FGD3: variants seen among roughly 807,000 people sequenced by gnomAD.
FGD3 encodes FYVE, RhoGEF and PH domain-containing protein 3.
Under a neutral mutation model 71.8 loss-of-function variants are expected in FGD3, and 45 were observed. The ratio of observed to expected loss-of-function variants is 0.63; its 90% CI spans 0.49 to 0.80. The LOEUF (loss-of-function observed/expected upper bound fraction) is 0.80, where lower values mean the gene tolerates loss of function less well. FGD3 is among the 30% of genes least tolerant of loss of function. The probability of loss-of-function intolerance (pLI) is 0.00; values close to 1 mark genes in which losing one functional copy is unlikely to be tolerated. For missense variants in FGD3, 844 were observed against 951.5 expected, an observed-to-expected ratio of 0.89 and a Z score of 1.49; for synonymous variants, 378 against 392.8, an observed-to-expected ratio of 0.96 and a Z score of 0.44.
rs1373682929 is a variant in FGD3, at chr9:92,999,588, C to T, written c.454-3337C>T. Among the ~76,000 whole-genome samples, 6 of 148,004 alleles carry T rather than the reference C, an allele frequency of 4.1e-5. No homozygotes were observed. In the Admixed American group the frequency reaches 4.1e-4, roughly 10 times the overall value. On this transcript the variant is annotated intron_variant, in intron 3 of 17. Transcript: ENST00000375482. ...CTTTTCCTATTCAGCCATCTTGGAA[C>T]CTTTTTTTTTTTTTTTTTTTTTAAA...
intron 1 of FGD3, among the ~76,000 whole-genome samples, chr9:92,955,468 C>G (rs570735309): frequency 6.6e-6 from 1 of 152,108 alleles, no homozygotes; most frequent in Non-Finnish European, 1.5e-5. Context: ...GCAAAACTCC[C>G]TCTCAAAAAT....
intron 1 of FGD3, among the ~76,000 whole-genome samples, chr9:92,966,566 G>A (rs974499161): frequency 3.3e-5 from 5 of 152,236 alleles, no homozygotes; most frequent in African/African-American, 1.2e-4. Flanking sequence ...CGCAGACTCA[G>A]GCCTGGAGGC....
At chr9:93,033,439 G>T in intron 16 of FGD3, 1 of 156,094 alleles carries the variant, frequency 6.4e-6, no homozygotes, top group Non-Finnish European at 1.4e-5. Context: ...TCTCCTCCCC[G>T]TACCCTTTTT....
intron 3 of FGD3, among the ~76,000 whole-genome samples, chr9:92,977,441 G>A (rs1316356440): frequency 6.6e-6 from 1 of 152,124 alleles, no homozygotes; most frequent in African/African-American, 2.4e-5. Context: ...TCCTGGGAGC[G>A]CTTTGCGGGT....
chr9:92,979,597 A>G (rs566197992), intron 3 of FGD3, among the ~76,000 whole-genome samples: 14 of 152,256 alleles, frequency 9.2e-5, no homozygotes, highest in African/African-American at 3.1e-4. Context: ...TGGCCTTGGT[A>G]TCAGGATAAT....
At chr9:93,002,177 G>T (rs1860878746) in intron 3 of FGD3, among the ~76,000 whole-genome samples, 1 of 152,152 alleles carries the variant, frequency 6.6e-6, no homozygotes, top group Admixed American at 6.5e-5. Flanking sequence ...CATATGTGTT[G>T]TTCCACTCCA....
chr9:92,949,708 A>G (rs1473180754), intron 1 of FGD3, among the ~76,000 whole-genome samples: 1 of 152,134 alleles, frequency 6.6e-6, no homozygotes, highest in African/African-American at 2.4e-5. Context: ...GTGTGGTCCA[A>G]GAAGAGGCGA....
chr9:92,986,886 G>A (rs1302555343), intron 3 of FGD3, among the ~76,000 whole-genome samples: 1 of 152,246 alleles, frequency 6.6e-6, no homozygotes, highest in East Asian at 1.9e-4. Context: ...GTAAAAACAA[G>A]TATAAATCTC....
At chr9:92,977,198 A>G (rs910619280) in intron 3 of FGD3, among the ~76,000 whole-genome samples, 5 of 152,196 alleles carry the variant, frequency 3.3e-5, no homozygotes, top group African/African-American at 7.2e-5. Flanking sequence ...TCTTCAGGAC[A>G]TGGTGGGGCA....
rs1299096856 is a variant in FGD3, at chr9:93,006,014, C to G, written c.681-10C>G. ...CAGCTATTTCTCTGATGATTCATTT[C>G]TCCACGAAGGGACACAAACCCACGG... On this transcript the variant is annotated splice_polypyrimidine_tract_variant and intron_variant, in intron 5 of 17. Transcript: ENST00000375482. The G allele has an allele frequency of 6.3e-7, 1 of 1,588,658 alleles. No homozygotes were observed. The highest frequency in any genetic ancestry group is 1.3e-5 in the African/African-American group (1 of 74,148).
In FGD3 at chr9:92,962,905, A is replaced by G. The variant is rs568688940; in HGVS notation, c.-217-12333A>G. The stretch of plus-strand genomic sequence containing the variant: ...AAGTGAGCTGACTTTGCGCCACTGC[A>G]CTCCAGCCTGGGCAACAGAGTGAGG... On this transcript the variant is annotated intron_variant, in intron 1 of 17. Coordinates refer to ENST00000375482, the MANE Select transcript of FGD3 (RefSeq NM_001083536.2). Among the ~76,000 whole-genome samples, 205 of 147,564 alleles carry G rather than the reference A, an allele frequency of 1.4e-3. 1 individual carries two copies. The highest frequency in any genetic ancestry group is 4.9e-3 in the African/African-American group (195 of 39,394).
At chr9:93,013,249 G>T (rs749065958) in intron 8 of FGD3, among the ~76,000 whole-genome samples, 1 of 152,258 alleles carries the variant, frequency 6.6e-6, no homozygotes, top group Non-Finnish European at 1.5e-5. Context: ...AGGATGTACA[G>T]GCTGAGATCA....
At chr9:93,012,616 C>T (rs1231069247) in intron 8 of FGD3, among the ~76,000 whole-genome samples, 2 of 146,760 alleles carry the variant, frequency 1.4e-5, no homozygotes, top group Non-Finnish European at 3.0e-5. Flanking sequence ...GAAACCCTGT[C>T]TCTACTAAAA....
rs796200220 is a variant in FGD3, at chr9:92,995,106, A to G, written c.454-7819A>G. On this transcript the variant is annotated intron_variant, in intron 3 of 17. Transcript: ENST00000375482. ...CAATATTGATTCTTCCTATCCATGA[A>G]CATGGAATGTTCTTCCATTTGTTTG... Among the ~76,000 whole-genome samples, 18 of 152,140 alleles carry G rather than the reference A, an allele frequency of 1.2e-4. 1 individual carries two copies. The highest frequency in any genetic ancestry group is 9.8e-4 in the Admixed American group (15 of 15,264).
At chr9:92,956,349 G>T (rs137977145) in intron 1 of FGD3, among the ~76,000 whole-genome samples, 443 of 152,286 alleles carry the variant, frequency 2.9e-3, no homozygotes, top group Non-Finnish European at 5.1e-3. Flanking sequence ...TTATGGGCCT[G>T]ACTATGTCCC....
Position 93,006,163 on chromosome 9 carries a change from G to T in FGD3, c.820G>T (p.Val274Phe). The change falls in exon 6 of 18, where the codon GTC becomes TTC. Residue 274 changes from valine to phenylalanine, a missense_variant. Physicochemically the swap from Val to Phe is conservative, Grantham distance 50. Coordinates refer to ENST00000375482, the MANE Select transcript of FGD3 (RefSeq NM_001083536.2). ...WTQRSPLFKD[V>F]VHSIQKQEVC... ...CCAGCGCTCCCCACTGTTTAAAGAC[G>T]TCGTCCACAGCATCCAGGTAAGGCC... 1 of 1,589,836 alleles carries T rather than the reference G, an allele frequency of 6.3e-7. No individual in the cohort carries two copies. Among genetic ancestry groups the T allele is most frequent in the Non-Finnish European group, 8.6e-7 (1 of 1,165,336 alleles).
At chr9:92,966,609 A>C (rs138714600) in intron 1 of FGD3, among the ~76,000 whole-genome samples, 1 of 152,094 alleles carries the variant, frequency 6.6e-6, no homozygotes, top group African/African-American at 2.4e-5. Context: ...GGCCCACCCC[A>C]CCTGGGAGTC....
intron 14 of FGD3, among the ~76,000 whole-genome samples, chr9:93,026,124 C>T (rs1862104968): frequency 6.6e-6 from 1 of 152,206 alleles, no homozygotes. Context: ...CCTGGATGTG[C>T]AGCTCAATTT....
intron 1 of FGD3, among the ~76,000 whole-genome samples, chr9:92,965,850 G>C (rs1488157470): frequency 6.6e-6 from 1 of 152,156 alleles, no homozygotes; most frequent in Non-Finnish European, 1.5e-5. Flanking sequence ...TCAGGAGCCT[G>C]GTTTACAGAT....
Sources: gnomAD v4.1 joint callset for allele counts (sites outside exome capture counted in the v4.1 genomes callset) on GRCh38, gnomAD v4.1.1 for gene constraint, MANE v1.5 for transcripts, NCBI Gene and HGNC (gene_info 2026-07-23, HGNC 2026-07-21) for gene names.